The following KSR2 variants were observed in gnomAD, a reference collection of about 807,000 sequenced individuals.
The protein encoded by KSR2 is kinase suppressor of ras 2.
KSR2 carries 25 observed loss-of-function variants against 107.8 expected under a neutral mutation model. The ratio of observed to expected loss-of-function variants is 0.23; its 90% CI spans 0.17 to 0.32. The LOEUF is 0.32. Among genes scored for constraint, KSR2 ranks in the 10% least tolerant of loss-of-function variants. KSR2 has a pLI of 1.00. For synonymous variants in KSR2, 480 were observed against 507.0 expected (o/e 0.95, Z 0.71); for missense variants, 887 against 1,268.9 (o/e 0.70, Z 4.57).
In KSR2 at chr12:117,925,160, G is replaced by A. The variant is rs539683598; in HGVS notation, c.180+42916C>T. 2.1e-4 allele frequency among the ~76,000 whole-genome samples: 31 copies of A among 146,912 alleles called. 1 individual carries two copies. The highest frequency in any genetic ancestry group is 7.5e-4 in the African/African-American group (30 of 39,760). ...TTTTTTTCAGACAGGGTCTCACTCT[G>A]TTGCCCAGGCTGGAGTGCAGTGGTT... On this transcript the variant is annotated intron_variant, in intron 1 of 19. Coordinates refer to ENST00000339824, the MANE Select transcript of KSR2 (RefSeq NM_173598.6).
intron 1 of KSR2, among the ~76,000 whole-genome samples, chr12:117,878,482 A>C (rs1893934464): frequency 6.6e-6 from 1 of 152,220 alleles, no homozygotes; most frequent in South Asian, 2.1e-4. Flanking sequence ...GTTGTTAAAA[A>C]TAAAATAAAA....
intron 3 of KSR2, among the ~76,000 whole-genome samples, chr12:117,848,872 C>T (rs140567983): frequency 3.7e-4 from 27 of 73,392 alleles, no homozygotes; most frequent in Admixed American, 1.0e-3. Context: ...ATGGTGATGA[C>T]GGTGCTAACA....
In KSR2 at chr12:117,468,627, G is replaced by A. The variant is rs370822142; in HGVS notation, c.2846+1035C>T. 2.0e-5 allele frequency among the ~76,000 whole-genome samples: 3 copies of A among 152,186 alleles called. No homozygotes were observed. The East Asian group carries it at 5.8e-4, about 29-fold the overall frequency. On this transcript the variant is annotated intron_variant, in intron 19 of 19. Transcript: ENST00000339824. ...ACTGACAATGGCTATGGTACACCAC[G>A]CACACAGGTGGGAGTATCTGTATCT...
chr12:117,524,928 T>G lies in KSR2; in HGVS notation c.2143A>C (p.Arg715=), dbSNP rs1875011505. The stretch of plus-strand genomic sequence containing the variant: ...ACCACGTTCTCATGCCGTGTCTGCC[T>G]GTAGGCCATCACCTCCCGCTTGAAG... ...KAFKREVMAY[R]QTRHENVVLF... is the part of the protein sequence containing the mutation. Residue 715 remains arginine (R), a synonymous_variant, in exon 14 of 20, where the codon AGG becomes CGG. Coordinates refer to ENST00000339824, the MANE Select transcript of KSR2 (RefSeq NM_173598.6). 1.2e-6 allele frequency: 2 copies of G among 1,613,942 alleles called. No individual in the cohort carries two copies. The highest frequency in any genetic ancestry group is 4.5e-5 in the East Asian group (2 of 44,838).
intron 5 of KSR2, among the ~76,000 whole-genome samples, chr12:117,652,072 C>T (rs1883926385): frequency 1.3e-5 from 2 of 152,116 alleles, no homozygotes; most frequent in African/African-American, 4.8e-5. Flanking sequence ...GAAAACCAAA[C>T]ATTGTATGTT....
At position 117,946,094 on chromosome 12, in the gene KSR2, G is replaced by T. The variant is rs188963510; in HGVS notation, c.180+21982C>A. On this transcript the variant is annotated intron_variant, in intron 1 of 19. Transcript: ENST00000339824. ...AAGTAGTTCTTAGAGGAAAATTTAT[G>T]GCAATACTTACATCAGAAAGAAAAG... 3.4e-3 allele frequency among the ~76,000 whole-genome samples: 515 copies of T among 152,194 alleles called. 3 individuals are homozygous for T. The highest frequency in any genetic ancestry group is 0.012 in the African/African-American group (492 of 41,540).
chr12:117,716,828 G>A (rs921285871), intron 4 of KSR2, among the ~76,000 whole-genome samples: 2 of 152,200 alleles, frequency 1.3e-5, no homozygotes, highest in African/African-American at 4.8e-5. Flanking sequence ...TGAGATAATG[G>A]ATATGAAAGT....
chr12:117,831,563 A>C (rs939666619), intron 3 of KSR2, among the ~76,000 whole-genome samples: 11 of 152,248 alleles, frequency 7.2e-5, no homozygotes, highest in Admixed American at 4.6e-4. Flanking sequence ...GGAAGGATTA[A>C]ATGAAATCAT....
At chr12:117,748,966 G>A (rs558478270) in intron 4 of KSR2, among the ~76,000 whole-genome samples, 2 of 151,638 alleles carry the variant, frequency 1.3e-5, no homozygotes, top group Non-Finnish European at 2.9e-5. Context: ...AAGCCTTCAG[G>A]AGGGGTATAG....
In KSR2 at chr12:117,761,152, T is replaced by C; in HGVS notation, c.845A>G (p.Lys282Arg). The change falls in exon 4 of 20, where the codon AAG becomes AGG. Residue 282 changes from lysine (K) to arginine (R), a missense_variant. Transcript: ENST00000339824. ...GGTCCCCGGGGGCTTCAGCTTGTTC[T>C]TCTTCCTCATGGGCGGCGTGCCCGG... Reference protein sequence around the residue: ...TPPGTPPMRKKNKLKPPGTPP... With the variant: ...TPPGTPPMRKRNKLKPPGTPP... The C allele has an allele frequency of 1.9e-6, 3 of 1,609,314 alleles. No individual in the cohort carries two copies. The highest frequency in any genetic ancestry group is 2.2e-5 in the East Asian group (1 of 44,660).
intron 1 of KSR2, among the ~76,000 whole-genome samples, chr12:117,900,688 AAGAAC>A (rs1337459283): frequency 4.6e-5 from 7 of 152,308 alleles, no homozygotes; most frequent in Admixed American, 4.6e-4. Flanking sequence ...TGTCTTTCTT[AAGAAC>A]ATCTGCATCA....
chr12:117,558,437 G>T, intron 8 of KSR2, 69 bp downstream of exon 8: 1 of 1,229,210 alleles, frequency 8.1e-7, no homozygotes, highest in Non-Finnish European at 1.2e-6. Context: ...TGATGGGACA[G>T]CTATGTGGGG....
At chr12:117,730,178 G>A (rs1353414450) in intron 4 of KSR2, among the ~76,000 whole-genome samples, 2 of 152,128 alleles carry the variant, frequency 1.3e-5, no homozygotes, top group South Asian at 2.1e-4. Flanking sequence ...GGCAAGATTT[G>A]GGCCTCAGGT....
At chr12:117,822,083 A>C (rs1891582328) in intron 3 of KSR2, among the ~76,000 whole-genome samples, 1 of 152,168 alleles carries the variant, frequency 6.6e-6, no homozygotes, top group African/African-American at 2.4e-5. Flanking sequence ...CTACACTCCC[A>C]TTAGCTCCAT....
chr12:117,699,997 T>C lies in KSR2; in HGVS notation c.987-32339A>G, dbSNP rs540784696. Among the ~76,000 whole-genome samples, 44 of 152,004 alleles carry C rather than the reference T, an allele frequency of 2.9e-4. No individual in the cohort carries two copies. The South Asian group carries it at 8.1e-3, about 28-fold the overall frequency. ...AAGCAATTCTCCTGCCTCAGCCTCC[T>C]GAGGAGGTGGGACTGCAGGCGCCCA... On this transcript the variant is annotated intron_variant, in intron 4 of 19. Coordinates refer to ENST00000339824, the MANE Select transcript of KSR2 (RefSeq NM_173598.6).
chr12:117,627,785 C>A (rs762813599), intron 5 of KSR2, among the ~76,000 whole-genome samples: 10 of 152,188 alleles, frequency 6.6e-5, no homozygotes, highest in African/African-American at 1.9e-4. Context: ...GGATAATATA[C>A]TGAAGAGTGT....
intron 16 of KSR2, 85 bp downstream of exon 16, chr12:117,484,331 G>A: frequency 6.7e-7 from 1 of 1,496,514 alleles, no homozygotes; most frequent in Non-Finnish European, 9.1e-7. Flanking sequence ...CCTGAGTCTA[G>A]GTCACTAAAG....
At chr12:117,493,083 A>G (rs61573358) in intron 14 of KSR2, among the ~76,000 whole-genome samples, 17,037 of 152,124 alleles carry the variant, frequency 0.11, 1,580 homozygotes, top group African/African-American at 0.25. Flanking sequence ...TCGTGAGCAG[A>G]TGGGAGGTTG....
At chr12:117,553,755 G>A (rs1877470256) in intron 9 of KSR2, among the ~76,000 whole-genome samples, 1 of 152,024 alleles carries the variant, frequency 6.6e-6, no homozygotes, top group Non-Finnish European at 1.5e-5. Context: ...TAATGAGTGA[G>A]TTATCCCTCT....
Sources: gnomAD v4.1 joint callset for allele counts (sites outside exome capture counted in the v4.1 genomes callset) on GRCh38, gnomAD v4.1.1 for gene constraint, MANE v1.5 for transcripts, NCBI Gene and HGNC (gene_info 2026-07-23, HGNC 2026-07-21) for gene names.